Variants in PTPRD observed in about 807,000 individuals in gnomAD.
The protein encoded by PTPRD is protein tyrosine phosphatase receptor type D.
Under a neutral mutation model 214.5 loss-of-function variants are expected in PTPRD, and 34 were observed. The ratio of observed to expected loss-of-function variants is 0.16; its 90% confidence interval spans 0.12 to 0.21. The LOEUF (loss-of-function observed/expected upper bound fraction) is 0.21. PTPRD is among the 10% of genes least tolerant of loss of function. The pLI, the probability that PTPRD is intolerant of heterozygous loss-of-function variation, is 1.00. For synonymous variants in PTPRD, 1,128 were observed against 845.7 expected (o/e 1.33, Z -5.79); for missense variants, 2,545 against 2,398.7 (o/e 1.06, Z -1.27).
intron 9 of PTPRD, among the ~76,000 whole-genome samples, chr9:9,253,201 T>A (rs752915972): frequency 5.9e-5 from 9 of 152,086 alleles, no homozygotes; most frequent in Admixed American, 1.3e-4. Context: ...AACATCCCAG[T>A]GTAAATGTTT....
At chr9:10,488,366 CAAAA>C (rs59842348) in intron 2 of PTPRD, among the ~76,000 whole-genome samples, 1 of 68,416 alleles carries the variant, frequency 1.5e-5, no homozygotes, top group Non-Finnish European at 3.1e-5. Context: ...GACTCTGTCT[CAAAA>C]AAAAAAAAAA....
Position 9,791,447 on chromosome 9 carries a change from A to C in PTPRD, c.-367-24596T>G, listed in dbSNP as rs541004973. ...ATTCTTTTCTAATGGCCTAGATGGAATTAATTGGTTATTTCAATATCAGGG... is the reference window on the plus strand; with the variant it reads ...ATTCTTTTCTAATGGCCTAGATGGACTTAATTGGTTATTTCAATATCAGGG... On this transcript the variant is annotated intron_variant, in intron 5 of 45. Coordinates refer to ENST00000381196, the MANE Select transcript of PTPRD (RefSeq NM_002839.4). 2.4e-3 allele frequency among the ~76,000 whole-genome samples: 371 copies of C among 152,206 alleles called. 2 individuals carry two copies. The highest frequency in any genetic ancestry group is 4.2e-3 in the Non-Finnish European group (288 of 67,962).
chr9:9,137,610 C>A (rs900247913), intron 10 of PTPRD, among the ~76,000 whole-genome samples: 1 of 152,060 alleles, frequency 6.6e-6, no homozygotes, highest in Non-Finnish European at 1.5e-5. Flanking sequence ...ATGTGTTGAA[C>A]AAGGACTGGT....
At chr9:9,566,657 A>T (rs923981016) in intron 8 of PTPRD, among the ~76,000 whole-genome samples, 2 of 152,206 alleles carry the variant, frequency 1.3e-5, no homozygotes, top group East Asian at 3.9e-4. Context: ...CACAATTTAC[A>T]AAGATTAAAC....
intron 8 of PTPRD, among the ~76,000 whole-genome samples, chr9:9,496,912 G>T (rs1010585829): frequency 6.6e-6 from 1 of 152,094 alleles, no homozygotes; most frequent in Non-Finnish European, 1.5e-5. Context: ...ATATCATTCA[G>T]CCTTAAAAAG....
chr9:10,373,532 T>C (rs2097671375), intron 2 of PTPRD, among the ~76,000 whole-genome samples: 1 of 152,136 alleles, frequency 6.6e-6, no homozygotes, highest in Admixed American at 6.6e-5. Flanking sequence ...TAGCTAGAAC[T>C]GGACACTGGA....
chr9:9,172,058 A>C (rs911634505), intron 10 of PTPRD, among the ~76,000 whole-genome samples: 4 of 152,146 alleles, frequency 2.6e-5, no homozygotes, highest in African/African-American at 9.7e-5. Flanking sequence ...ATGGTATTAC[A>C]AATCCAGTGT....
chr9:8,483,766 G>T (rs558817277), intron 30 of PTPRD, among the ~76,000 whole-genome samples: 24 of 150,900 alleles, frequency 1.6e-4, no homozygotes, highest in Admixed American at 1.6e-3. Flanking sequence ...GTGACAGGGC[G>T]AGACTCCGTC....
At chr9:9,328,302 C>T (rs2040843953) in intron 9 of PTPRD, among the ~76,000 whole-genome samples, 2 of 152,172 alleles carry the variant, frequency 1.3e-5, no homozygotes, top group South Asian at 4.2e-4. Flanking sequence ...ATACTACATT[C>T]ATTCTTACAT....
chr9:8,537,247 G>A (rs377272917), intron 14 of PTPRD, among the ~76,000 whole-genome samples: 118 of 151,806 alleles, frequency 7.8e-4, no homozygotes, highest in South Asian at 4.2e-3. Context: ...GGCCATTATC[G>A]AAATGTTACG....
intron 2 of PTPRD, among the ~76,000 whole-genome samples, chr9:10,482,241 G>T (rs901808595): frequency 2.0e-5 from 3 of 151,654 alleles, no homozygotes; most frequent in East Asian, 3.9e-4. Context: ...CGTGGTGGCG[G>T]GTGCCTGTAG....
intron 7 of PTPRD, among the ~76,000 whole-genome samples, chr9:9,721,367 T>C (rs1176429748): frequency 6.6e-6 from 1 of 152,188 alleles, no homozygotes; most frequent in Non-Finnish European, 1.5e-5. Flanking sequence ...ATAAGGACTA[T>C]ACTATTTTTA....
At chr9:9,927,867 A>G (rs899816046) in intron 5 of PTPRD, among the ~76,000 whole-genome samples, 6 of 152,266 alleles carry the variant, frequency 3.9e-5, no homozygotes, top group Admixed American at 3.3e-4. Flanking sequence ...ATATGTGAAT[A>G]AAGGACACGG....
chr9:10,481,282 G>A (rs561839250), intron 2 of PTPRD, among the ~76,000 whole-genome samples: 1 of 152,134 alleles, frequency 6.6e-6, no homozygotes, highest in East Asian at 1.9e-4. Context: ...ATACACTTGT[G>A]CATGTTTGAA....
intron 10 of PTPRD, among the ~76,000 whole-genome samples, chr9:9,081,616 T>C (rs1023868126): frequency 6.6e-6 from 1 of 152,064 alleles, no homozygotes; most frequent in African/African-American, 2.4e-5. Flanking sequence ...CCCAGTATTA[T>C]TGTGTGGGAG....
rs149782084 is a variant in PTPRD, at chr9:8,894,045, C to A, written c.-104+124652G>T. On this transcript the variant is annotated intron_variant, in intron 11 of 45. Transcript: ENST00000381196. ...CGAAGATACGCACACAATGGAATAT[C>A]AGGCAGCAATAAGAATAACCAATCT... Among the ~76,000 whole-genome samples the A allele has an allele frequency of 3.8e-3, 571 of 152,124 alleles. 4 individuals carry two copies. The highest frequency in any genetic ancestry group is 0.013 in the African/African-American group (527 of 41,522).
intron 11 of PTPRD, among the ~76,000 whole-genome samples, chr9:8,791,623 T>G (rs7861964): frequency 0.4 from 59,353 of 148,468 alleles, 12,708 homozygotes; most frequent in Middle Eastern, 0.52. Flanking sequence ...TGTCTCCCAG[T>G]TTCAAGCGAT....
chr9:10,236,842 T>C (rs1415322085), intron 3 of PTPRD, among the ~76,000 whole-genome samples: 3 of 151,972 alleles, frequency 2.0e-5, no homozygotes, highest in Non-Finnish European at 4.4e-5. Flanking sequence ...TATTTTAATA[T>C]TTTAAGGTTA....
At chr9:9,343,342 C>G (rs998000454) in intron 9 of PTPRD, among the ~76,000 whole-genome samples, 6 of 152,172 alleles carry the variant, frequency 3.9e-5, no homozygotes, top group Non-Finnish European at 2.9e-5. Context: ...ACACACCCAA[C>G]AGTGTAAAAG....
Sources: gnomAD v4.1 joint callset for allele counts (sites outside exome capture counted in the v4.1 genomes callset) on GRCh38, gnomAD v4.1.1 for gene constraint, MANE v1.5 for transcripts, NCBI Gene and HGNC (gene_info 2026-07-23, HGNC 2026-07-21) for gene names.